ZFP14: variants seen among roughly 807,000 people sequenced by gnomAD.
The protein encoded by ZFP14 is zinc finger protein 14 homolog.
In ZFP14, 22 loss-of-function variants were observed where a neutral mutation model predicts 54.5. That is an observed-to-expected ratio of 0.40 (90% CI 0.29 to 0.58). The LOEUF is 0.58. Among genes scored for constraint, ZFP14 ranks in the 20% least tolerant of loss-of-function variants. ZFP14 has a pLI of 0.39. For synonymous variants in ZFP14, 159 were observed against 204.0 expected (o/e 0.78, Z 1.88); for missense variants, 470 against 637.8 (o/e 0.74, Z 2.83).
At chr19:36,373,734 G>C in intron 1 of ZFP14, among the ~76,000 whole-genome samples, 1 of 151,072 alleles carries the variant, frequency 6.6e-6, no homozygotes, top group East Asian at 2.0e-4. Context: ...AACATAGTGA[G>C]ACCTTGTCTC....
intron 1 of ZFP14, among the ~76,000 whole-genome samples, chr19:36,373,272 C>T (rs1177491694): frequency 2.0e-5 from 3 of 147,990 alleles, no homozygotes; most frequent in Non-Finnish European, 4.5e-5. Flanking sequence ...AGCAAAACTC[C>T]GTCTCAAAAA....
chr19:36,338,991 A>G lies in ZFP14; in HGVS notation c.*1233T>C, dbSNP rs2031257580. On this transcript the variant is annotated 3_prime_UTR_variant, in exon 5 of 5. Coordinates refer to ENST00000270001, the MANE Select transcript of ZFP14 (RefSeq NM_020917.3). ...TTTTGCTTTCTGGAATTATGGGAAA[A>G]TCATTTCCTATTTCCCTCTAATTCT... 6.6e-6 allele frequency: 1 copy of G among 152,190 alleles called. No homozygotes were observed. The highest frequency in any genetic ancestry group is 1.9e-4 in the East Asian group (1 of 5,198). 9.4% of individuals were successfully genotyped at this position (152,190 alleles called of 1,614,324 possible). A position where few individuals can be genotyped will look rare whatever the true frequency, so the allele number is the denominator to read the frequency against.
chr19:36,359,296 T>C (rs1189019670), intron 4 of ZFP14, among the ~76,000 whole-genome samples: 1 of 152,198 alleles, frequency 6.6e-6, no homozygotes. Context: ...TTTGTATCTA[T>C]GTATGGAAAA....
At chr19:36,376,144 T>C (rs918130014) in intron 1 of ZFP14, among the ~76,000 whole-genome samples, 1 of 152,276 alleles carries the variant, frequency 6.6e-6, no homozygotes, top group South Asian at 2.1e-4. Flanking sequence ...CCTGAAAGGA[T>C]TGTTATGAGA....
At chr19:36,359,050 A>C (rs2145554268) in intron 4 of ZFP14, among the ~76,000 whole-genome samples, 1 of 152,306 alleles carries the variant, frequency 6.6e-6, no homozygotes, top group South Asian at 2.1e-4. Flanking sequence ...CTCAATAGAC[A>C]CAGCCCTTTG....
intron 4 of ZFP14, among the ~76,000 whole-genome samples, chr19:36,354,699 A>G (rs533806268): frequency 2.1e-5 from 3 of 142,104 alleles, no homozygotes; most frequent in African/African-American, 7.7e-5. Flanking sequence ...CTACTTGCCA[A>G]CTTCCATTCT....
chr19:36,374,489 CAAAAAAAAAAAAAAAAAAG>C (rs925991566), intron 1 of ZFP14, among the ~76,000 whole-genome samples: 2 of 70,534 alleles, frequency 2.8e-5, no homozygotes, highest in African/African-American at 1.2e-4. Flanking sequence ...GACTCTGTCT[CAAAAAAAAAAAAAAAAAAG>C]AAAAGAAAAA....
chr19:36,341,842 G>A lies in ZFP14; in HGVS notation c.236-252C>T, dbSNP rs149296665. 2.0e-5 allele frequency among the ~76,000 whole-genome samples: 3 copies of A among 152,068 alleles called. No individual in the cohort carries two copies. Among genetic ancestry groups the A allele is most frequent in the African/African-American group, 7.2e-5 (3 of 41,494 alleles). On this transcript the variant is annotated intron_variant, in intron 4 of 4. Transcript: ENST00000270001. This position sits in a 1 kb window ranked among gnomAD's most constrained non-coding sequence, Gnocchi z 4.2. ...TCAGAAGAAAAATAGGCCCGGAGCA[G>A]GACCACTTAATTTTTTTTTTTTCTT...
intron 3 of ZFP14, 90 bp from the exon 4 acceptor site, chr19:36,360,623 T>C (rs2031695113): frequency 8.7e-7 from 1 of 1,155,472 alleles, no homozygotes. Flanking sequence ...TACAGATCAA[T>C]ATGGCACTTT....
At position 36,357,987 on chromosome 19, in the gene ZFP14, C is replaced by A. The variant is rs183916846; in HGVS notation, c.235+2448G>T. On this transcript the variant is annotated intron_variant, in intron 4 of 4. Transcript: ENST00000270001. ...TGAACTCCTGACCTCAGGTGATCCA[C>A]CTGCCTCGGCCTTCCAAAGTACAGG... Among the ~76,000 whole-genome samples the A allele has an allele frequency of 4.9e-4, 74 of 151,868 alleles. 1 individual carries two copies. In the East Asian group the frequency reaches 0.013, roughly 26 times the overall value.
In ZFP14 at chr19:36,337,455, G is replaced by T. The variant is rs2031224956; in HGVS notation, c.*2769C>A. On this transcript the variant is annotated 3_prime_UTR_variant, in exon 5 of 5. Transcript: ENST00000270001. ...AAAATAATGCAAATTGAAAAATACA[G>T]TATAACAACTATTTACATAGTATTT... 1 of 151,762 alleles carries T rather than the reference G, an allele frequency of 6.6e-6. No individual in the cohort carries two copies. The highest frequency in any genetic ancestry group is 2.4e-5 in the African/African-American group (1 of 41,176). The allele number at this position is 151,762 out of a possible 1,614,324, so 9.4% of individuals were successfully genotyped here.
At chr19:36,374,421 C>T (rs2031927994) in intron 1 of ZFP14, among the ~76,000 whole-genome samples, 1 of 145,778 alleles carries the variant, frequency 6.9e-6, no homozygotes, top group African/African-American at 2.6e-5. Flanking sequence ...ACCCAGGAGA[C>T]GGAGGTTGCA....
Position 36,360,493 on chromosome 19 carries a change from A to G in ZFP14, c.177T>C (p.Asp59=), listed in dbSNP as rs2031692806. The change falls in exon 4 of 5, where the codon GAT becomes GAC. Residue 59 remains aspartate (D), a synonymous_variant. Transcript: ENST00000270001. ...ISKPDVITLL[D]EERKEPGMVV... is the part of the protein sequence containing the mutation. Reference sequence around the variant, plus strand: ...CCATCCCAGGTTCCTTCCTTTCTTCATCCAATAAGGTAATCACATCTGGTT... The same window carrying G: ...CCATCCCAGGTTCCTTCCTTTCTTCGTCCAATAAGGTAATCACATCTGGTT... 2 of 1,613,566 alleles carry G rather than the reference A, an allele frequency of 1.2e-6. No homozygotes were observed. Among genetic ancestry groups the G allele is most frequent in the Admixed American group, 3.3e-5 (2 of 59,964 alleles).
chr19:36,347,621 GA>G (rs1014520674), intron 4 of ZFP14, among the ~76,000 whole-genome samples: 1 of 25,280 alleles, frequency 4.0e-5, no homozygotes, highest in African/African-American at 3.7e-4. Context: ...AAAAAACAAA[GA>G]AAAGAAAGAA....
Position 36,340,695 on chromosome 19 carries a change from A to C in ZFP14, c.1131T>G (p.Phe377Leu). ...GGCGAACTAGTTGTTGTCTTAATCT[A>C]AAAGTCTTCCCACATTCCTTACATT... Reference protein sequence around the residue: ...PYECKECGKTFRLRQQLVRHQ... With the variant: ...PYECKECGKTLRLRQQLVRHQ... The change falls in exon 5 of 5, where the codon TTT (phenylalanine) becomes TTG (leucine). Residue 377 changes from phenylalanine to leucine, a missense_variant. Physicochemically the swap from Phe to Leu is conservative, Grantham distance 22. Coordinates refer to ENST00000270001, the MANE Select transcript of ZFP14 (RefSeq NM_020917.3). This position sits in a 1 kb window ranked among gnomAD's most constrained non-coding sequence, Gnocchi z 5.4. 2 of 1,613,982 alleles carry C rather than the reference A, an allele frequency of 1.2e-6. No individual in the cohort carries two copies. The highest frequency in any genetic ancestry group is 1.7e-6 in the Non-Finnish European group (2 of 1,179,912).
intron 1 of ZFP14, chr19:36,378,960 G>C (rs1490794167): frequency 3.9e-5 from 6 of 152,292 alleles, no homozygotes; most frequent in Non-Finnish European, 8.8e-5. Context: ...ATTCACTCCG[G>C]GGTTCCTGTA....
rs563012535 is a variant in ZFP14 at position 36,346,664 on chromosome 19, G to A, written c.236-5074C>T. Among the ~76,000 whole-genome samples, 8 of 152,192 alleles carry A rather than the reference G, an allele frequency of 5.3e-5. No homozygotes were observed. In the East Asian group the frequency reaches 1.5e-3, roughly 29 times the overall value. ...GTGGAAACGGGGTTTCACCATGTTG[G>A]CCAGGATGGTCTTGATCTATTGACC... On this transcript the variant is annotated intron_variant, in intron 4 of 4. Transcript: ENST00000270001.
At chr19:36,368,036 A>G (rs1253697420) in intron 1 of ZFP14, 65 bp from the exon 2 acceptor site, 6 of 973,984 alleles carry the variant, frequency 6.2e-6, no homozygotes, top group African/African-American at 1.7e-5. Context: ...GATGTACATC[A>G]TAAATATGAA....
intron 1 of ZFP14, among the ~76,000 whole-genome samples, chr19:36,370,934 T>C (rs1217424889): frequency 6.6e-6 from 1 of 152,196 alleles, no homozygotes; most frequent in East Asian, 1.9e-4. Flanking sequence ...AGTGATTGAC[T>C]CTAAAGAAAT....
Sources: allele counts gnomAD v4.1 joint callset (sites outside exome capture counted in the v4.1 genomes callset), GRCh38; gene constraint gnomAD v4.1.1; non-coding constraint Gnocchi (gnomAD v3.1); transcripts MANE v1.5; gene names NCBI Gene and HGNC (gene_info 2026-07-23, HGNC 2026-07-21).